The following STIM2 variants were observed in gnomAD, a reference collection of about 807,000 sequenced individuals.
The protein encoded by STIM2 is stromal interaction molecule 2.
In STIM2, 31 loss-of-function variants were observed where a neutral mutation model predicts 85.8. The ratio of observed to expected loss-of-function variants is 0.36; its 90% CI spans 0.27 to 0.49. STIM2 has a LOEUF of 0.49. STIM2 is among the 20% of genes least tolerant of loss of function. The probability of loss-of-function intolerance (pLI) is 0.98; values close to 1 mark genes in which losing one functional copy is unlikely to be tolerated. For missense variants in STIM2, 841 were observed against 927.6 expected (o/e 0.91, Z 1.21); for synonymous variants, 356 against 331.1 (o/e 1.08, Z -0.82).
chr4:26,942,415 C>T (rs1271482590), intron 2 of STIM2, among the ~76,000 whole-genome samples: 1 of 152,080 alleles, frequency 6.6e-6, no homozygotes, highest in East Asian at 1.9e-4. Context: ...CTTCTTGACT[C>T]TCCTTCTCCC....
chr4:26,970,704 C>T (rs527924735), intron 3 of STIM2, among the ~76,000 whole-genome samples: 5 of 151,980 alleles, frequency 3.3e-5, no homozygotes, highest in African/African-American at 1.2e-4. Context: ...GCAATAAACA[C>T]GTGTGCATGT....
At chr4:26,892,438 A>G (rs567253079) in intron 1 of STIM2, among the ~76,000 whole-genome samples, 1 of 152,186 alleles carries the variant, frequency 6.6e-6, no homozygotes, top group South Asian at 2.1e-4. Flanking sequence ...CCTATTCAAG[A>G]CGGCGCCACC....
rs1722174234 is a variant in STIM2, at chr4:26,861,310, C to T, written c.92C>T (p.Ala31Val). The T allele has an allele frequency of 7.0e-7, 1 of 1,422,478 alleles. No individual in the cohort carries two copies. Among genetic ancestry groups the T allele is most frequent in the South Asian group, 1.4e-5 (1 of 70,174 alleles). The allele number at this position is 1,422,478 out of a possible 1,614,324, so 88.1% of individuals were successfully genotyped here. ...CGCGGGCGGCGGGCGACTGGCTCTG[C>T]CGCAACTGCCGCCTCCTCTCCCGCC... Residue 31 changes from alanine to valine, a missense_variant, in exon 1 of 12, where the codon GCC (alanine) becomes GTC (valine). Physicochemically the swap from Ala to Val is moderately conservative, Grantham distance 64. Around this residue, in one of 3 missense-constraint regions of STIM2, gnomAD observed 140 missense variants for 117.7 expected, o/e 1.19. Transcript: ENST00000467087.
Position 27,022,767 on chromosome 4 carries a change from A to G in STIM2, c.2012A>G (p.Tyr671Cys). Residue 671 changes from tyrosine (Y) to cysteine (C), a missense_variant, in exon 12 of 12, where the codon TAC becomes TGC. This residue lies in a region of STIM2 where 293 missense variants were observed against 284.5 expected (regional missense o/e 1.03). Coordinates refer to ENST00000467087, the MANE Select transcript of STIM2 (RefSeq NM_020860.4). ...ATCTTCAGTCCTGCAAGCAAAGTGT[A>G]CAATGGCATTTTGGAGAAATCCTGT... 1.2e-6 allele frequency: 2 copies of G among 1,614,222 alleles called. No individual in the cohort carries two copies. The highest frequency in any genetic ancestry group is 2.2e-5 in the South Asian group (2 of 91,086).
intron 2 of STIM2, among the ~76,000 whole-genome samples, chr4:26,955,880 C>G (rs978538951): frequency 2.6e-5 from 4 of 152,100 alleles, no homozygotes; most frequent in African/African-American, 7.2e-5. Context: ...GTTGTTGATC[C>G]TAGAACATTG....
chr4:26,885,859 A>ATATGTATATATATATATATATATATATG lies in STIM2; in HGVS notation c.151+24493_151+24494insGTATATATATATATATATATATATGTAT, dbSNP rs1553845027. On this transcript the variant is annotated intron_variant, in intron 1 of 11. Transcript: ENST00000467087. ...TATATATATATATATATATATATAT[A>ATATGTATATATATATATATATATATATG]TATATATATATATATGTATATGTCT... Among the ~76,000 whole-genome samples, 24 of 89,422 alleles carry ATATGTATATATATATATATATATATATG rather than the reference A, an allele frequency of 2.7e-4. 3 individuals carry two copies. In the East Asian group the frequency reaches 5.4e-3, roughly 20 times the overall value. The allele number at this position is 89,422 out of a possible 152,430, so 58.7% of individuals were successfully genotyped here. A position where few individuals can be genotyped will look rare whatever the true frequency, so the allele number is the denominator to read the frequency against.
chr4:26,959,010 A>C (rs890148778), intron 3 of STIM2, among the ~76,000 whole-genome samples: 2 of 152,212 alleles, frequency 1.3e-5, no homozygotes, highest in Non-Finnish European at 2.9e-5. Context: ...TTGTTCAGCC[A>C]CCATCGTCTC....
chr4:26,873,674 C>G, intron 1 of STIM2: 2 of 733,852 alleles, frequency 2.7e-6, no homozygotes, highest in Non-Finnish European at 4.8e-6. Flanking sequence ...TCACCACTCT[C>G]TTCTGCCATA....
intron 1 of STIM2, among the ~76,000 whole-genome samples, chr4:26,908,855 A>G (rs1430794900): frequency 6.6e-6 from 1 of 152,148 alleles, no homozygotes. Context: ...ATTTTAGACT[A>G]TATTTGGTTT....
At chr4:26,929,899 G>A (rs1233177308) in intron 2 of STIM2, among the ~76,000 whole-genome samples, 1 of 152,084 alleles carries the variant, frequency 6.6e-6, no homozygotes, top group Admixed American at 6.6e-5. Context: ...GGGCTGTAAT[G>A]TTCTATAGGG....
Position 27,002,254 on chromosome 4 carries a change from A to T in STIM2, c.663A>T (p.Thr221=). ...ACTGGATGAAAGATTTTATCCTCAC[A>T]GTTTCTATAGTAATTGGTGTTGGAG... is the stretch of plus-strand genomic sequence containing the variant. Residue 221 remains threonine (T), a synonymous_variant, in exon 6 of 12, where the codon ACA becomes ACT. Coordinates refer to ENST00000467087, the MANE Select transcript of STIM2 (RefSeq NM_020860.4). The T allele has an allele frequency of 6.2e-7, 1 of 1,611,498 alleles. No individual in the cohort carries two copies. The highest frequency in any genetic ancestry group is 8.5e-7 in the Non-Finnish European group (1 of 1,179,304).
At position 26,879,035 on chromosome 4, in the gene STIM2, C is replaced by T. The variant is rs917864534; in HGVS notation, c.151+17666C>T. Among the ~76,000 whole-genome samples the T allele has an allele frequency of 7.9e-5, 12 of 152,220 alleles. No homozygotes were observed. In the East Asian group the frequency reaches 1.5e-3, roughly 20 times the overall value. On this transcript the variant is annotated intron_variant, in intron 1 of 11. Transcript: ENST00000467087. ...AACCTTATCACCATCTAACTTTTGA[C>T]GTTATTTTAATATTTTCTTGCTGCT... is the stretch of plus-strand genomic sequence containing the variant.
At chr4:26,888,843 T>TA (rs1175795682) in intron 1 of STIM2, among the ~76,000 whole-genome samples, 3 of 152,224 alleles carry the variant, frequency 2.0e-5, no homozygotes, top group African/African-American at 7.2e-5. Flanking sequence ...ATTCTGGACT[T>TA]AGTCTTTCAT....
chr4:26,976,940 G>T (rs986680758), intron 3 of STIM2, among the ~76,000 whole-genome samples: 3 of 152,196 alleles, frequency 2.0e-5, no homozygotes, highest in Non-Finnish European at 2.9e-5. Flanking sequence ...GAACAAGTTT[G>T]CATGTATGTA....
intron 1 of STIM2, chr4:26,873,672 C>G: frequency 1.4e-6 from 1 of 723,378 alleles, no homozygotes; most frequent in South Asian, 1.4e-5. Flanking sequence ...TGTCACCACT[C>G]TCTTCTGCCA....
At chr4:27,011,677 AT>A (rs1728562094) in intron 10 of STIM2, among the ~76,000 whole-genome samples, 1 of 152,182 alleles carries the variant, frequency 6.6e-6, no homozygotes, top group African/African-American at 2.4e-5. Flanking sequence ...CCTCACAATT[AT>A]GAAAATTTTT....
intron 3 of STIM2, among the ~76,000 whole-genome samples, chr4:26,992,503 A>G (rs1346226576): frequency 3.0e-4 from 46 of 152,092 alleles, no homozygotes; most frequent in Non-Finnish European, 1.8e-4. Flanking sequence ...AGATCAGCCT[A>G]TGCAACATAG....
At chr4:26,897,507 C>G (rs547013822) in intron 1 of STIM2, among the ~76,000 whole-genome samples, 1 of 152,184 alleles carries the variant, frequency 6.6e-6, no homozygotes, top group Admixed American at 6.5e-5. Flanking sequence ...ACAAAAGACA[C>G]AGTAGTGTAA....
chr4:26,964,094 A>T (rs1334127059), intron 3 of STIM2, among the ~76,000 whole-genome samples: 2 of 152,140 alleles, frequency 1.3e-5, no homozygotes, highest in Non-Finnish European at 2.9e-5. Context: ...TATTGCTGGA[A>T]GAGGCAGCTG....
Sources: allele counts gnomAD v4.1 joint callset (sites outside exome capture counted in the v4.1 genomes callset), GRCh38; gene constraint gnomAD v4.1.1; regional missense constraint gnomAD v4.1.1; transcripts MANE v1.5; gene names NCBI Gene and HGNC (gene_info 2026-07-23, HGNC 2026-07-21).